Variants in SIPA1L1 observed in about 807,000 individuals in gnomAD.
SIPA1L1 encodes the protein signal induced proliferation associated 1 like 1.
In SIPA1L1, 26 loss-of-function variants were observed where a neutral mutation model predicts 162.7. The observed-to-expected ratio is 0.16, with a 90% CI of 0.12 to 0.22. The LOEUF is 0.22. Among genes scored for constraint, SIPA1L1 ranks in the 10% least tolerant of loss-of-function variants. The probability of loss-of-function intolerance (pLI) is 1.00; values close to 1 mark genes in which losing one functional copy is unlikely to be tolerated. For missense variants in SIPA1L1, 1,874 were observed against 2,241.0 expected (o/e 0.84, Z 3.31); for synonymous variants, 829 against 837.4 (o/e 0.99, Z 0.17).
At chr14:71,703,312 T>G (rs1232498227) in intron 15 of SIPA1L1, among the ~76,000 whole-genome samples, 1 of 152,248 alleles carries the variant, frequency 6.6e-6, no homozygotes, top group African/African-American at 2.4e-5. Context: ...CTGAAAAAGA[T>G]AATCTTATAA....
chr14:71,540,541 T>A (rs919820180), intron 4 of SIPA1L1, among the ~76,000 whole-genome samples: 11 of 152,102 alleles, frequency 7.2e-5, no homozygotes, highest in African/African-American at 2.2e-4. Flanking sequence ...TAAAAAATTT[T>A]AAAACTAAAT....
chr14:71,684,726 CT>C (rs2149553515), intron 12 of SIPA1L1, among the ~76,000 whole-genome samples: 1 of 151,688 alleles, frequency 6.6e-6, no homozygotes, highest in South Asian at 2.1e-4. Flanking sequence ...CTTATACACT[CT>C]TTTGGAGCCC....
At chr14:71,342,477 T>A (rs1490298248) in intron 2 of SIPA1L1, among the ~76,000 whole-genome samples, 5 of 152,174 alleles carry the variant, frequency 3.3e-5, no homozygotes, top group Admixed American at 2.6e-4. Flanking sequence ...ATATACAGAT[T>A]TTTAAAGAGA....
intron 10 of SIPA1L1, among the ~76,000 whole-genome samples, chr14:71,669,714 A>C (rs2044338784): frequency 6.6e-6 from 1 of 152,148 alleles, no homozygotes; most frequent in African/African-American, 2.4e-5. Flanking sequence ...CCAGTTAGAA[A>C]ATGGAGTGTT....
At chr14:71,499,394 A>G (rs1204621038) in intron 2 of SIPA1L1, among the ~76,000 whole-genome samples, 3 of 152,176 alleles carry the variant, frequency 2.0e-5, no homozygotes, top group African/African-American at 7.2e-5. Context: ...CTTCCTATGT[A>G]TGTAATTTAT....
At chr14:71,462,005 A>C (rs1197777484) in intron 2 of SIPA1L1, among the ~76,000 whole-genome samples, 1 of 152,216 alleles carries the variant, frequency 6.6e-6, no homozygotes, top group Non-Finnish European at 1.5e-5. Context: ...TTGTGCCTTC[A>C]GGATGTGCTC....
intron 2 of SIPA1L1, among the ~76,000 whole-genome samples, chr14:71,411,643 A>G (rs921518423): frequency 3.3e-5 from 5 of 152,196 alleles, no homozygotes; most frequent in African/African-American, 7.2e-5. Context: ...AGAGGTTGCA[A>G]TGAGTGGGAG....
At chr14:71,520,454 G>C (rs2052214551) in intron 3 of SIPA1L1, among the ~76,000 whole-genome samples, 1 of 152,166 alleles carries the variant, frequency 6.6e-6, no homozygotes, top group South Asian at 2.1e-4. Context: ...CAGATCATAA[G>C]TGGATAGGTC....
rs373993939 is a variant in SIPA1L1, at chr14:71,685,381, C to T, written c.3124C>T (p.Arg1042Cys). ...TAATAGGAGTTGCTCTGAAACCTAC[C>T]GCATGCCAGTGATGGAGTACAAAAT... is the stretch of plus-strand genomic sequence containing the variant. The part of the protein sequence containing the change: ...TPRRSCSETY[R>C]MPVMEYKMNE... The change falls in exon 13 of 24, where the codon CGC becomes TGC. Residue 1042 changes from arginine (R) to cysteine (C), a missense_variant. Transcript: ENST00000381232. 7.1e-5 allele frequency: 115 copies of T among 1,613,928 alleles called. 1 individual carries two copies. The highest frequency in any genetic ancestry group is 7.0e-4 in the South Asian group (64 of 91,048).
At chr14:71,373,310 CAAAAAA>C (rs75480788) in intron 2 of SIPA1L1, among the ~76,000 whole-genome samples, 14 of 74,120 alleles carry the variant, frequency 1.9e-4, no homozygotes, top group East Asian at 8.4e-4. Context: ...GACTCCGTCT[CAAAAAA>C]AAAAAAAAAA....
At chr14:71,568,529 T>C (rs766201365) in intron 4 of SIPA1L1, among the ~76,000 whole-genome samples, 8 of 152,088 alleles carry the variant, frequency 5.3e-5, no homozygotes, top group Non-Finnish European at 1.0e-4. Flanking sequence ...TCCTCCTTGG[T>C]TCGCTAGGAA....
chr14:71,639,460 G>C (rs1355337113), intron 7 of SIPA1L1, among the ~76,000 whole-genome samples: 1 of 152,154 alleles, frequency 6.6e-6, no homozygotes, highest in East Asian at 1.9e-4. Flanking sequence ...TTCACAAATT[G>C]AGAGCGTTAA....
At chr14:71,384,330 A>T (rs758332471) in intron 2 of SIPA1L1, among the ~76,000 whole-genome samples, 7 of 152,082 alleles carry the variant, frequency 4.6e-5, no homozygotes, top group Non-Finnish European at 8.8e-5. Flanking sequence ...AGAATGAAGG[A>T]GGGAGATTAT....
chr14:71,723,658 C>A lies in SIPA1L1; in HGVS notation c.4220C>A (p.Ser1407Tyr). Residue 1407 changes from serine (S) to tyrosine (Y), a missense_variant, in exon 18 of 24, where the codon TCC (serine) becomes TAC (tyrosine). This residue lies in a region of SIPA1L1 where 936 missense variants were observed against 1,051.9 expected (regional missense o/e 0.89). Transcript: ENST00000381232. ...CTGCTTCTCCTCAGTACCATGAGCT[C>A]CCGACACTCTGCCAGCCCAGTGGTT... is the stretch of plus-strand genomic sequence containing the variant. ...DAASHTSTMS[S>Y]RHSASPVVFT... 2 of 1,614,188 alleles carry A rather than the reference C, an allele frequency of 1.2e-6. No homozygotes were observed. Among genetic ancestry groups the A allele is most frequent in the Non-Finnish European group, 1.7e-6 (2 of 1,180,032 alleles).
At chr14:71,508,321 T>G (rs1343393611) in intron 2 of SIPA1L1, among the ~76,000 whole-genome samples, 1 of 152,218 alleles carries the variant, frequency 6.6e-6, no homozygotes, top group African/African-American at 2.4e-5. Flanking sequence ...CACTTTAAGT[T>G]TGGTATGTTA....
chr14:71,487,618 T>A (rs1253480607), intron 2 of SIPA1L1, among the ~76,000 whole-genome samples: 1 of 152,168 alleles, frequency 6.6e-6, no homozygotes, highest in East Asian at 1.9e-4. Context: ...AAAGGAAGAC[T>A]ACCTAGAGCT....
intron 2 of SIPA1L1, among the ~76,000 whole-genome samples, chr14:71,495,769 G>T (rs1392496985): frequency 6.6e-6 from 1 of 151,156 alleles, no homozygotes; most frequent in Non-Finnish European, 1.5e-5. Flanking sequence ...AAAATTCTCA[G>T]CTGTGAGCAG....
At position 71,588,887 on chromosome 14, in the gene SIPA1L1, A is replaced by G; in HGVS notation, c.1015A>G (p.Ile339Val). Residue 339 changes from isoleucine (I) to valine (V), a missense_variant, in exon 5 of 24, where the codon ATA becomes GTA. By Grantham distance (29) the Ile-to-Val change is conservative (BLOSUM62 3). Around this residue, in one of 5 missense-constraint regions of SIPA1L1, gnomAD observed 685 missense variants for 828.0 expected, o/e 0.83. Transcript: ENST00000381232. This position sits in a 1 kb window ranked among gnomAD's most constrained non-coding sequence, Gnocchi z 4.3. ...KCFAHYDVQS[I>V]LFDLNEAIMN... ...CTTTGCCCACTATGATGTCCAGAGTATATTATTTGATTTGAATGAGGCAAT... is the reference window on the plus strand; with the variant it reads ...CTTTGCCCACTATGATGTCCAGAGTGTATTATTTGATTTGAATGAGGCAAT... 1 of 1,614,122 alleles carries G rather than the reference A, an allele frequency of 6.2e-7. No individual in the cohort carries two copies. Among genetic ancestry groups the G allele is most frequent in the Non-Finnish European group, 8.5e-7 (1 of 1,179,980 alleles).
chr14:71,575,161 A>G (rs1043063484), intron 4 of SIPA1L1: 1 of 152,186 alleles, frequency 6.6e-6, no homozygotes, highest in East Asian at 1.9e-4. Flanking sequence ...GCTTGTGAGC[A>G]TAAGTGGATT....
Sources: allele counts gnomAD v4.1 joint callset (sites outside exome capture counted in the v4.1 genomes callset), GRCh38; gene constraint gnomAD v4.1.1; regional missense constraint gnomAD v4.1.1; non-coding constraint Gnocchi (gnomAD v3.1); transcripts MANE v1.5; gene names NCBI Gene and HGNC (gene_info 2026-07-23, HGNC 2026-07-21).